The following PCDHA9 variants were observed in gnomAD, a reference collection of about 807,000 sequenced individuals.
PCDHA9 encodes the protein protocadherin alpha 9, also known as protocadherin alpha-9.
Under a neutral mutation model 62.0 loss-of-function variants are expected in PCDHA9, and 62 were observed. The ratio of observed to expected loss-of-function variants is 1.00; its 90% CI spans 0.81 to 1.23. The LOEUF (loss-of-function observed/expected upper bound fraction) is 1.23. Among genes scored for constraint, PCDHA9 ranks in the 50% most tolerant of loss-of-function variants. PCDHA9 has a pLI of 0.00. For synonymous variants in PCDHA9, 557 were observed against 567.6 expected, an observed-to-expected ratio of 0.98 and a Z score of 0.27; for missense variants, 1,205 against 1,249.8, an observed-to-expected ratio of 0.96 and a Z score of 0.54.
chr5:140,883,119 C>T, intron 1 of PCDHA9: 1 of 1,613,998 alleles, frequency 6.2e-7, no homozygotes, highest in Non-Finnish European at 8.5e-7. Context: ...TTTAGAAGGC[C>T]TGTATGGCCT....
Position 140,899,097 on chromosome 5 carries a change from T to C in PCDHA9, c.2394+48208T>C, listed in dbSNP as rs1160754058. Among the ~76,000 whole-genome samples the C allele has an allele frequency of 9.8e-3, 1,481 of 151,828 alleles. 12 individuals carry two copies. The highest frequency in any genetic ancestry group is 0.026 in the African/African-American group (1,065 of 41,212). ...AGCTTAAGGAGATTTTGGGCTGAGATAATGGGGTTTTCTAGATATACAATC... is the reference window on the plus strand; with the variant it reads ...AGCTTAAGGAGATTTTGGGCTGAGACAATGGGGTTTTCTAGATATACAATC... On this transcript the variant is annotated intron_variant, in intron 1 of 3. Transcript: ENST00000532602.
intron 1 of PCDHA9, chr5:140,859,908 T>C (rs1554152827): frequency 6.6e-6 from 1 of 150,380 alleles, no homozygotes; most frequent in Non-Finnish European, 1.5e-5. Context: ...CTTAATGTCT[T>C]ATATTATAAG....
At chr5:140,951,507 C>A (rs2094591964) in intron 1 of PCDHA9, among the ~76,000 whole-genome samples, 1 of 151,952 alleles carries the variant, frequency 6.6e-6, no homozygotes, top group African/African-American at 2.4e-5. Flanking sequence ...AAAAGGAAAG[C>A]GGCTCATCTT....
chr5:140,871,031 G>C (rs543880939), intron 1 of PCDHA9: 4 of 1,613,210 alleles, frequency 2.5e-6, no homozygotes, highest in Middle Eastern at 3.3e-4. Flanking sequence ...GACTCGCCGC[G>C]CCACCGACTT....
chr5:140,857,531 G>A, intron 1 of PCDHA9: 2 of 1,597,582 alleles, frequency 1.3e-6, no homozygotes, highest in East Asian at 2.2e-5. Context: ...CTCTCTGGTG[G>A]AGCGGCGGTT....
intron 1 of PCDHA9, among the ~76,000 whole-genome samples, chr5:140,906,354 A>C (rs552915845): frequency 3.8e-4 from 58 of 152,336 alleles, no homozygotes; most frequent in South Asian, 1.7e-3. Context: ...GAATGCACCA[A>C]TTCCCAACCC....
At chr5:140,863,178 C>T (rs1420894530) in intron 1 of PCDHA9, 2 of 736,748 alleles carry the variant, frequency 2.7e-6, no homozygotes, top group Non-Finnish European at 4.7e-6. Flanking sequence ...TGACTGCCAC[C>T]GTCACCGTGG....
chr5:140,868,571 A>G (rs1326549440), intron 1 of PCDHA9: 1 of 152,948 alleles, frequency 6.5e-6, no homozygotes, highest in Non-Finnish European at 1.5e-5. Context: ...GAGGAACAAC[A>G]CTTTCAGGAA....
At chr5:140,890,530 T>G (rs2062685019) in intron 1 of PCDHA9, among the ~76,000 whole-genome samples, 1 of 152,222 alleles carries the variant, frequency 6.6e-6, no homozygotes. Flanking sequence ...TTGTTGATCT[T>G]CTTTTGAAAT....
intron 1 of PCDHA9, chr5:140,883,009 T>C (rs782092684): frequency 1.2e-6 from 2 of 1,614,126 alleles, no homozygotes; most frequent in South Asian, 2.2e-5. Flanking sequence ...AATCCGTTTA[T>C]AAAGTGACGG....
At chr5:141,004,030 C>T (rs1337271425) in intron 3 of PCDHA9, among the ~76,000 whole-genome samples, 1 of 152,204 alleles carries the variant, frequency 6.6e-6, no homozygotes, top group Non-Finnish European at 1.5e-5. Flanking sequence ...GAAACATTTC[C>T]TTGATTGATC....
chr5:140,883,702 T>G (rs367854871), intron 1 of PCDHA9: 3 of 1,613,750 alleles, frequency 1.9e-6, no homozygotes, highest in Non-Finnish European at 2.5e-6. Flanking sequence ...TCACGGTGTC[T>G]GCTCAGGACG....
intron 1 of PCDHA9, among the ~76,000 whole-genome samples, chr5:140,961,654 T>G (rs1554225528): frequency 6.6e-6 from 1 of 152,194 alleles, no homozygotes; most frequent in East Asian, 1.9e-4. Context: ...TGTGGTTAGT[T>G]TGAAGTTACC....
chr5:140,857,354 G>A lies in PCDHA9; in HGVS notation c.2394+6465G>A, dbSNP rs1449369579. 2.5e-6 allele frequency: 4 copies of A among 1,598,262 alleles called. No homozygotes were observed. In the African/African-American group the frequency reaches 5.4e-5, roughly 22 times the overall value. ...GGACGGGGGCTCGCCTCCGCTGTGG[G>A]CCACGGCCAGCGTGTCTGTGGAGGT... On this transcript the variant is annotated intron_variant, in intron 1 of 3. Transcript: ENST00000532602.
At chr5:140,911,814 C>T (rs1165066555) in intron 1 of PCDHA9, among the ~76,000 whole-genome samples, 2 of 152,136 alleles carry the variant, frequency 1.3e-5, no homozygotes, top group African/African-American at 4.8e-5. Context: ...GCAGCCTTCT[C>T]CAGAAACCCC....
At chr5:140,977,978 G>A (rs1401757319) in intron 1 of PCDHA9, among the ~76,000 whole-genome samples, 2 of 152,048 alleles carry the variant, frequency 1.3e-5, no homozygotes, top group Non-Finnish European at 2.9e-5. Flanking sequence ...CCATGAAAAC[G>A]CATCTAGAGG....
intron 1 of PCDHA9, among the ~76,000 whole-genome samples, chr5:140,889,975 T>A (rs2062445806): frequency 6.6e-6 from 1 of 152,182 alleles, no homozygotes; most frequent in African/African-American, 2.4e-5. Flanking sequence ...CTATCCAGTC[T>A]CCAGTTGTCT....
chr5:140,929,460 C>A, intron 1 of PCDHA9: 1 of 1,331,154 alleles, frequency 7.5e-7, no homozygotes, highest in Non-Finnish European at 1.0e-6. Context: ...ACTTCCTGTG[C>A]CAAGAAATCT....
intron 1 of PCDHA9, among the ~76,000 whole-genome samples, chr5:140,961,335 A>G (rs548773476): frequency 1.6e-4 from 24 of 152,322 alleles, no homozygotes; most frequent in African/African-American, 5.8e-4. Context: ...TGAGAGACCA[A>G]GAGTGGATCC....
Sources: allele counts gnomAD v4.1 joint callset (sites outside exome capture counted in the v4.1 genomes callset), GRCh38; gene constraint gnomAD v4.1.1; transcripts MANE v1.5; gene names NCBI Gene and HGNC (gene_info 2026-07-23, HGNC 2026-07-21).